Variants in AGBL1 observed in about 807,000 individuals in gnomAD.
AGBL1 encodes cytosolic carboxypeptidase 4.
In AGBL1, 130 loss-of-function variants were observed where a neutral mutation model predicts 118.9. The ratio of observed to expected loss-of-function variants is 1.09; its 90% CI spans 0.95 to 1.26. The LOEUF is 1.26. Ranked by LOEUF, AGBL1 falls within the 50% of genes most tolerant of loss-of-function variation. The pLI is 0.00. For synonymous variants in AGBL1, 555 were observed against 478.9 expected (o/e 1.16, Z -2.08); for missense variants, 1,584 against 1,298.1 (o/e 1.22, Z -3.38).
At chr15:86,776,758 G>A (rs911057129) in intron 22 of AGBL1, among the ~76,000 whole-genome samples, 1,079 of 88,116 alleles carry the variant, frequency 0.012, 14 homozygotes, top group African/African-American at 0.049. Flanking sequence ...ATATGTGTGT[G>A]TGTGTGTGTG....
intron 22 of AGBL1, among the ~76,000 whole-genome samples, chr15:86,853,935 G>T (rs969314633): frequency 1.3e-5 from 2 of 151,942 alleles, no homozygotes; most frequent in Admixed American, 6.6e-5. Flanking sequence ...AGATGATAAA[G>T]GTCAAAGAAA....
At chr15:86,880,998 C>T (rs746405955) in intron 22 of AGBL1, among the ~76,000 whole-genome samples, 1 of 152,078 alleles carries the variant, frequency 6.6e-6, no homozygotes, top group African/African-American at 2.4e-5. Context: ...AGCCTGCCTC[C>T]TGGTAAGTGC....
chr15:86,555,193 C>T (rs73459653), intron 21 of AGBL1, among the ~76,000 whole-genome samples: 8,723 of 152,238 alleles, frequency 0.057, 660 homozygotes, highest in African/African-American at 0.18. Context: ...TTCCCACTCC[C>T]CCATAGAGAA....
intron 23 of AGBL1, among the ~76,000 whole-genome samples, chr15:86,965,513 T>C (rs1224744874): frequency 1.3e-5 from 2 of 152,112 alleles, no homozygotes; most frequent in Non-Finnish European, 2.9e-5. Flanking sequence ...TTAAGTTCTT[T>C]ATAGATTCTG....
chr15:86,651,231 T>C (rs999452977), intron 21 of AGBL1, among the ~76,000 whole-genome samples: 1 of 152,166 alleles, frequency 6.6e-6, no homozygotes, highest in African/African-American at 2.4e-5. Flanking sequence ...ACCAGTGTTA[T>C]TCCATGACTC....
At chr15:86,420,817 A>G (rs1307292240) in intron 18 of AGBL1, among the ~76,000 whole-genome samples, 1 of 152,238 alleles carries the variant, frequency 6.6e-6, no homozygotes. Context: ...AAGCATGCAC[A>G]AGTATCAATA....
At chr15:86,856,521 C>G (rs2079483065) in intron 22 of AGBL1, among the ~76,000 whole-genome samples, 1 of 152,206 alleles carries the variant, frequency 6.6e-6, no homozygotes. Context: ...TTCCTTCACA[C>G]AGTTATTCCC....
chr15:86,310,411 G>A (rs1363345622), intron 17 of AGBL1, among the ~76,000 whole-genome samples: 2 of 151,800 alleles, frequency 1.3e-5, no homozygotes, highest in African/African-American at 4.8e-5. Flanking sequence ...TGGGCGTTTG[G>A]CATGATCCAC....
chr15:86,363,034 T>C (rs1824658603), intron 17 of AGBL1, among the ~76,000 whole-genome samples: 1 of 152,184 alleles, frequency 6.6e-6, no homozygotes, highest in South Asian at 2.1e-4. Flanking sequence ...CAAGTGAGGC[T>C]GGAGCTGAGT....
At chr15:86,410,467 T>C (rs2081591902) in intron 18 of AGBL1, among the ~76,000 whole-genome samples, 1 of 152,068 alleles carries the variant, frequency 6.6e-6, no homozygotes, top group Non-Finnish European at 1.5e-5. Flanking sequence ...GCTGTGTGGC[T>C]TTGGACAATT....
rs554051872 is a variant in AGBL1 at position 86,308,017 on chromosome 15, A to G, written c.2374+12609A>G. ...TTATACTTTTAAATCACATATTTAT[A>G]TATCTCTGACCATCTACTATTGAGT... On this transcript the variant is annotated intron_variant, in intron 17 of 22. Transcript: ENST00000614907. Among the ~76,000 whole-genome samples the G allele has an allele frequency of 1.9e-4, 29 of 152,288 alleles. No homozygotes were observed. The Middle Eastern group carries it at 0.014, about 71-fold the overall frequency.
intron 21 of AGBL1, among the ~76,000 whole-genome samples, chr15:86,603,663 T>C (rs2084530504): frequency 6.6e-6 from 1 of 151,848 alleles, no homozygotes; most frequent in Non-Finnish European, 1.5e-5. Flanking sequence ...ACCCCTTCCC[T>C]CTCTTCCCGC....
chr15:86,881,539 A>C (rs929026855), intron 22 of AGBL1, among the ~76,000 whole-genome samples: 3 of 152,088 alleles, frequency 2.0e-5, no homozygotes, highest in African/African-American at 7.2e-5. Context: ...CATTCTGTAC[A>C]CCTTGCCGAG....
intron 22 of AGBL1, among the ~76,000 whole-genome samples, chr15:86,711,158 G>A (rs568112884): frequency 2.0e-5 from 3 of 152,148 alleles, no homozygotes; most frequent in Non-Finnish European, 2.9e-5. Context: ...CTCTTGAGCC[G>A]TTGGTACCTT....
chr15:86,524,593 G>C (rs368033802), intron 19 of AGBL1, among the ~76,000 whole-genome samples: 1 of 152,140 alleles, frequency 6.6e-6, no homozygotes, highest in Non-Finnish European at 1.5e-5. Flanking sequence ...GCTGATCTTA[G>C]TTACTCTGTC....
chr15:86,638,481 G>A (rs2085138989), intron 21 of AGBL1, among the ~76,000 whole-genome samples: 1 of 152,136 alleles, frequency 6.6e-6, no homozygotes, highest in Non-Finnish European at 1.5e-5. Flanking sequence ...AAGCAGGTGT[G>A]GGTAGTGAGT....
chr15:86,867,571 GT>G (rs1878828894), intron 22 of AGBL1, among the ~76,000 whole-genome samples: 1 of 152,124 alleles, frequency 6.6e-6, no homozygotes, highest in South Asian at 2.1e-4. Context: ...GACTCATTGT[GT>G]TATACTTGAA....
At chr15:86,534,716 A>G (rs1288822590) in intron 19 of AGBL1, among the ~76,000 whole-genome samples, 1 of 152,236 alleles carries the variant, frequency 6.6e-6, no homozygotes, top group Non-Finnish European at 1.5e-5. Context: ...CCAAAAAATG[A>G]ACTATGATAT....
At chr15:86,807,641 A>C (rs1462601077) in intron 22 of AGBL1, among the ~76,000 whole-genome samples, 1 of 152,088 alleles carries the variant, frequency 6.6e-6, no homozygotes, top group East Asian at 1.9e-4. Context: ...CCTTGGAGCC[A>C]TGAAAAGTAG....
Sources: allele counts gnomAD v4.1 joint callset (sites outside exome capture counted in the v4.1 genomes callset), GRCh38; gene constraint gnomAD v4.1.1; transcripts MANE v1.5; gene names NCBI Gene and HGNC (gene_info 2026-07-23, HGNC 2026-07-21).